The following FLNA variants were observed in gnomAD, a reference collection of about 807,000 sequenced individuals.
FLNA encodes the protein filamin-A.
Under a neutral mutation model 157.6 loss-of-function variants are expected in FLNA, and 7 were observed. The observed-to-expected ratio is 0.04, with a 90% confidence interval of 0.03 to 0.08. FLNA has a LOEUF of 0.08. Among genes scored for constraint, FLNA ranks in the 10% least tolerant of loss-of-function variants. The pLI is 1.00. For synonymous variants in FLNA, 1,103 were observed against 1,060.8 expected (o/e 1.04, Z -0.77); for missense variants, 1,750 against 2,398.4 (o/e 0.73, Z 5.65).
At chrX:154,361,086 A>AAG (rs2067706162) in intron 21 of FLNA, among the ~76,000 whole-genome samples, 1 of 92,053 alleles carries the variant, frequency 1.1e-5, no homozygotes, top group African/African-American at 4.9e-5. Context: ...AAAAGAAAGA[A>AAG]AAAAAAAAAA....
In FLNA at chrX:154,349,848, G is replaced by A. The variant is rs1057521797; in HGVS notation, c.7353C>T (p.Val2451=). 5.0e-5 allele frequency: 61 copies of A among 1,209,521 alleles called. No homozygotes were observed. Among genetic ancestry groups the A allele is most frequent in the Non-Finnish European group, 6.7e-5 (60 of 894,806 alleles). Residue 2451 remains valine (V), a synonymous_variant, in exon 46 of 48, where the codon GTC becomes GTT. Transcript: ENST00000369850. ...CAGCTCCCGCATTGCTCGTGTTCAC[G>A]ACGAACTCAGCTGGGTTCCCTGGGA... The part of the protein sequence containing the change: ...GGVTGNPAEF[V]VNTSNAGAGA...
At chrX:154,365,853 G>C (rs1374731052) in intron 9 of FLNA, among the ~76,000 whole-genome samples, 171 bp downstream of exon 9, 1 of 112,722 alleles carries the variant, frequency 8.9e-6, no homozygotes, top group African/African-American at 3.2e-5. Context: ...GAGGAGAGGA[G>C]AGGAGGAAGG....
Position 154,371,178 on chromosome X carries a change from G to A in FLNA, c.68C>T (p.Thr23Met), listed in dbSNP as rs1034838081. ...AGAAPGGGVD[T>M]RDAEMPATEK... is the part of the protein sequence containing the mutation. ...GGTGGCCGGCATCTCGGCGTCCCGC[G>A]TGTCGACGCCGCCGCCCGGAGCCGC... is the stretch of plus-strand genomic sequence containing the variant. The change falls in exon 2 of 48, where the codon ACG becomes ATG. Residue 23 changes from threonine (T) to methionine (M), a missense_variant. This residue lies in a region of FLNA where 58 missense variants were observed against 27.8 expected (regional missense o/e 2.09). Transcript: ENST00000369850. The A allele has an allele frequency of 3.3e-6, 4 of 1,194,575 alleles. No homozygotes were observed. Among genetic ancestry groups the A allele is most frequent in the African/African-American group, 3.5e-5 (2 of 57,235 alleles).
In FLNA at chrX:154,367,863, G is replaced by A. The variant is rs2148119332; in HGVS notation, c.601C>T (p.Leu201=). Residue 201 remains leucine, a synonymous_variant, in exon 3 of 48, where the codon CTG becomes TTG. Coordinates refer to ENST00000369850, the MANE Select transcript of FLNA (RefSeq NM_001110556.2). Reference sequence around the variant, plus strand: ...TCACCCGGGGCACAGCTGTCCACCAGGGCGCCCAGGGCCCGGCCGCTCTGC... The same window carrying A: ...TCACCCGGGGCACAGCTGTCCACCAAGGCGCCCAGGGCCCGGCCGCTCTGC... ...DWQSGRALGA[L]VDSCAPGLCP... 5.0e-6 allele frequency: 6 copies of A among 1,210,824 alleles called. No individual in the cohort carries two copies. The highest frequency in any genetic ancestry group is 6.7e-6 in the Non-Finnish European group (6 of 895,330).
rs2148103050 is a variant in FLNA, at chrX:154,351,610, C to T, written c.6994G>A (p.Ala2332Thr). 6.6e-6 allele frequency: 8 copies of T among 1,206,772 alleles called. No individual in the cohort carries two copies. Among genetic ancestry groups the T allele is most frequent in the South Asian group, 1.8e-5 (1 of 56,871 alleles). ...AGGCTAGAAACAGTGAGGCGGCGGG[C>T]GTCGCCAGACGGAGAAGCCACAGGC... ...VVPVASPSGD[A>T]RRLTVSSLQE... Residue 2332 changes from alanine (A) to threonine (T), a missense_variant, in exon 43 of 48, where the codon GCC (alanine) becomes ACC (threonine). Ala to Thr is a moderately conservative substitution (Grantham distance 58). Coordinates refer to ENST00000369850, the MANE Select transcript of FLNA (RefSeq NM_001110556.2).
In FLNA at chrX:154,357,233, C is replaced by T. The variant is rs781981841; in HGVS notation, c.4969+18G>A. ...TGGGCAGGAGGGGCATTGGGAGTGG[C>T]CCCAGCAAGCAGCTTACCTAGCCCG... On this transcript the variant is annotated intron_variant, in intron 30 of 47. Transcript: ENST00000369850. The T allele has an allele frequency of 3.4e-5, 41 of 1,205,832 alleles. No homozygotes were observed. The highest frequency in any genetic ancestry group is 4.5e-5 in the Non-Finnish European group (40 of 891,758).
In FLNA at chrX:154,362,749, G is replaced by T. The variant is rs2067723075; in HGVS notation, c.2316C>A (p.Val772=). ...NVGAGSHPNK[V]KVYGPGVAKT... is the part of the protein sequence containing the mutation. ...TGGCTACTCCGGGGCCGTATACTTTGACCTTGTTGGGGTGGCTGCCAGCTC... is the reference window on the plus strand; with the variant it reads ...TGGCTACTCCGGGGCCGTATACTTTTACCTTGTTGGGGTGGCTGCCAGCTC... Residue 772 remains valine (V), a synonymous_variant, in exon 16 of 48, where the codon GTC becomes GTA. Transcript: ENST00000369850. 8.3e-7 allele frequency: 1 copy of T among 1,202,836 alleles called. No homozygotes were observed. Among genetic ancestry groups the T allele is most frequent in the Non-Finnish European group, 1.1e-6 (1 of 891,656 alleles).
At position 154,364,075 on chromosome X, in the gene FLNA, G is replaced by A. The variant is rs1557178613; in HGVS notation, c.2227C>T (p.His743Tyr). The A allele has an allele frequency of 8.3e-7, 1 of 1,210,886 alleles. No homozygotes were observed. The highest frequency in any genetic ancestry group is 2.2e-5 in the Admixed American group (1 of 46,093). The part of the protein sequence containing the change: ...CSYVPRKPVK[H>Y]TAMVSWGGVS... Reference sequence around the variant, plus strand: ...CCTCCCCAGGACACCATGGCTGTGTGCTTCACCGGCTTCCTGGGCACGTAG... The same window carrying A: ...CCTCCCCAGGACACCATGGCTGTGTACTTCACCGGCTTCCTGGGCACGTAG... The change falls in exon 15 of 48, where the codon CAC becomes TAC. Residue 743 changes from histidine to tyrosine, a missense_variant. Around this residue, in one of 5 missense-constraint regions of FLNA, gnomAD observed 648 missense variants for 805.8 expected, o/e 0.80. Transcript: ENST00000369850.
rs1181232052 is a variant in FLNA, at chrX:154,354,956, C to A, written c.5086G>T (p.Val1696Leu). Reference protein sequence around the residue: ...CTVCTPDGSEVDVDVVENEDG... With the variant: ...CTVCTPDGSELDVDVVENEDG... ...TCATTCTCCACCACGTCCACATCCA[C>A]CTCTGAGCCATCAGGCGTGCACACG... is the stretch of plus-strand genomic sequence containing the variant. The change falls in exon 31 of 48, where the codon GTG (valine) becomes TTG (leucine). Residue 1696 changes from valine (V) to leucine (L), a missense_variant. By Grantham distance (32) the Val-to-Leu change is conservative. Around this residue, in one of 5 missense-constraint regions of FLNA, gnomAD observed 970 missense variants for 1,302.6 expected, o/e 0.74. Transcript: ENST00000369850. 2 of 1,212,381 alleles carry A rather than the reference C, an allele frequency of 1.6e-6. No homozygotes were observed. Among genetic ancestry groups the A allele is most frequent in the African/African-American group, 3.4e-5 (2 of 58,096 alleles).
Position 154,359,294 on chromosome X carries a change from C to T in FLNA, c.4255G>A (p.Ala1419Thr). The T allele has an allele frequency of 4.1e-6, 5 of 1,211,418 alleles. No individual in the cohort carries two copies. Among genetic ancestry groups the T allele is most frequent in the Non-Finnish European group, 5.6e-6 (5 of 895,566 alleles). ...SCSVEYIPYE[A>T]GTYSLNVTYG... ...GTGACGTTGAGGCTGTAGGTGCCAG[C>T]CTCATAAGGGATGTACTCGACCGAG... is the stretch of plus-strand genomic sequence containing the variant. Residue 1419 changes from alanine to threonine, a missense_variant, in exon 25 of 48, where the codon GCT becomes ACT. Physicochemically the swap from Ala to Thr is moderately conservative, Grantham distance 58. Coordinates refer to ENST00000369850, the MANE Select transcript of FLNA (RefSeq NM_001110556.2).
intron 21 of FLNA, among the ~76,000 whole-genome samples, chrX:154,361,084 GAA>G (rs374641129): frequency 1.3e-4 from 7 of 52,487 alleles, no homozygotes; most frequent in African/African-American, 5.5e-4. Context: ...AAAAAAGAAA[GAA>G]AAAAAAAAAA....
intron 39 of FLNA, 31 bp downstream of exon 39, chrX:154,352,741 A>AG: frequency 8.3e-7 from 1 of 1,210,799 alleles, no homozygotes. Context: ...TGGTGTAGTG[A>AG]GGGGGGCTGC....
intron 2 of FLNA, among the ~76,000 whole-genome samples, chrX:154,368,404 C>A (rs782191025): frequency 1.4e-4 from 16 of 112,321 alleles, no homozygotes; most frequent in Non-Finnish European, 2.4e-4. Flanking sequence ...TGCAGATGGG[C>A]AGCTCTGGAG....
chrX:154,370,530 G>C (rs1362691318), intron 2 of FLNA, among the ~76,000 whole-genome samples: 1 of 112,806 alleles, frequency 8.9e-6, no homozygotes, highest in African/African-American at 3.2e-5. Context: ...CCTCGGGGAC[G>C]GGGCGCAGGG....
In FLNA at chrX:154,348,891, G is replaced by A. The variant is rs372375216; in HGVS notation, c.7902C>T (p.Asp2634=). The A allele has an allele frequency of 8.3e-6, 10 of 1,208,777 alleles. No individual in the cohort carries two copies. Among genetic ancestry groups the A allele is most frequent in the African/African-American group, 5.2e-5 (3 of 57,257 alleles). The change falls in exon 48 of 48, where the codon GAC becomes GAT. Residue 2634 remains aspartate (D), a synonymous_variant. Transcript: ENST00000369850. ...GEYTLVVKWG[D]EHIPGSPYRV... The stretch of plus-strand genomic sequence containing the variant: ...GGTAGGGGCTGCCTGGGATGTGCTC[G>A]TCCCCCCATTTGACCACCAGTGTGT...
chrX:154,353,003 G>A lies in FLNA; in HGVS notation c.6224C>T (p.Ala2075Val). The A allele has an allele frequency of 8.3e-7, 1 of 1,211,149 alleles. No homozygotes were observed. The highest frequency in any genetic ancestry group is 1.1e-6 in the Non-Finnish European group (1 of 895,171). ...GCTGGTGGGCAGCCACTGCCTACCT[G>A]CATCGCGGGTATCAATGATAAACTC... ...PAEFIIDTRD[A>V]GYGGLSLSIE... Residue 2075 changes from alanine (A) to valine (V), a missense_variant and splice_region_variant, in exon 38 of 48, where the codon GCA (alanine) becomes GTA (valine). Coordinates refer to ENST00000369850, the MANE Select transcript of FLNA (RefSeq NM_001110556.2).
intron 15 of FLNA, 25 bp downstream of exon 15, chrX:154,363,997 T>TAA (rs782049179): frequency 2.5e-6 from 3 of 1,206,975 alleles, no homozygotes; most frequent in Non-Finnish European, 3.4e-6. Flanking sequence ...CGAGATGGAC[T>TAA]AAAGGCCGGT....
intron 44 of FLNA, chrX:154,350,441 C>A (rs2067610447): frequency 9.2e-6 from 4 of 437,089 alleles, no homozygotes; most frequent in Admixed American, 4.0e-5. Flanking sequence ...CAAGCCAAAC[C>A]CAGGCCTTGC....
At chrX:154,365,845 G>A (rs1330399410) in intron 9 of FLNA, among the ~76,000 whole-genome samples, 179 bp downstream of exon 9, 1 of 112,559 alleles carries the variant, frequency 8.9e-6, no homozygotes, top group Non-Finnish European at 1.9e-5. Flanking sequence ...AGAGGGGCGA[G>A]GAGAGGAGAG....
Sources: allele counts gnomAD v4.1 joint callset (sites outside exome capture counted in the v4.1 genomes callset), GRCh38; gene constraint gnomAD v4.1.1; regional missense constraint gnomAD v4.1.1; transcripts MANE v1.5; gene names NCBI Gene and HGNC (gene_info 2026-07-23, HGNC 2026-07-21).